The following C21orf58 variants were observed in gnomAD, a reference collection of about 807,000 sequenced individuals.
C21orf58 encodes the protein uncharacterized protein C21orf58.
C21orf58 carries 34 observed loss-of-function variants against 35.8 expected under a neutral mutation model. That is an observed-to-expected ratio of 0.95 (90% CI 0.72 to 1.26). C21orf58 has a LOEUF of 1.26. Among genes scored for constraint, C21orf58 ranks in the 50% most tolerant of loss-of-function variants. The pLI is 0.00. For synonymous variants in C21orf58, 191 were observed against 175.8 expected (o/e 1.09, Z -0.68); for missense variants, 440 against 414.3 (o/e 1.06, Z -0.54).
At position 46,318,016 on chromosome 21, in the gene C21orf58, C is replaced by T. The variant is rs527595332; in HGVS notation, c.305G>A (p.Gly102Glu). ...GCATCCCGGGCTCTGCCTCACCTGTCCCAAGAGCTTCAGCGTCAGTCGGGT... is the reference window on the plus strand; with the variant it reads ...GCATCCCGGGCTCTGCCTCACCTGTTCCAAGAGCTTCAGCGTCAGTCGGGT... ...QVTRLTLKLL[G>E]QKLEQERQNV... The change falls in exon 2 of 8, where the codon GGA (glycine) becomes GAA (glutamate). Residue 102 changes from glycine to glutamate, a missense_variant. Physicochemically the swap from Gly to Glu is moderately conservative, Grantham distance 98. Coordinates refer to ENST00000291691, the MANE Select transcript of C21orf58 (RefSeq NM_058180.5). 1.9e-6 allele frequency: 3 copies of T among 1,613,350 alleles called. No homozygotes were observed. The highest frequency in any genetic ancestry group is 2.5e-6 in the Non-Finnish European group (3 of 1,179,972).
intron 1 of C21orf58, among the ~76,000 whole-genome samples, chr21:46,319,691 G>C (rs1466294178): frequency 6.6e-6 from 1 of 151,792 alleles, no homozygotes; most frequent in Non-Finnish European, 1.5e-5. Context: ...GAGGTCAGGA[G>C]GTCGAGACAA....
chr21:46,311,762 C>CCCATTCATCCACCCACCCATCCAT (rs2082713566), intron 5 of C21orf58, 195 bp from the exon 6 acceptor site: 1 of 393,158 alleles, frequency 2.5e-6, no homozygotes. Context: ...CATCCATCCA[C>CCCATTCATCCACCCACCCATCCAT]CCATCCATCC....
At chr21:46,319,580 C>G (rs937999866) in intron 1 of C21orf58, among the ~76,000 whole-genome samples, 3 of 152,132 alleles carry the variant, frequency 2.0e-5, no homozygotes, top group African/African-American at 7.2e-5. Context: ...CGGCACAACA[C>G]AACAAGACCC....
intron 3 of C21orf58, 131 bp downstream of exon 3, chr21:46,317,077 A>G: frequency 1.4e-6 from 1 of 718,912 alleles, no homozygotes; most frequent in Non-Finnish European, 2.3e-6. Context: ...GTTGAGGACA[A>G]TCTCGCCGGT....
chr21:46,318,409 G>A, intron 1 of C21orf58, 189 bp from the exon 2 acceptor site: 1 of 1,430,800 alleles, frequency 7.0e-7, no homozygotes, highest in South Asian at 1.5e-5. Flanking sequence ...GTGGCCAGCT[G>A]GGCTTCATGG....
At chr21:46,316,033 C>T (rs2082965226) in intron 3 of C21orf58, among the ~76,000 whole-genome samples, 1 of 152,104 alleles carries the variant, frequency 6.6e-6, no homozygotes, top group Non-Finnish European at 1.5e-5. Flanking sequence ...TGCCTGTCAT[C>T]TCAACAGTGG....
Position 46,322,782 on chromosome 21 carries a change from G to C in C21orf58, c.-44C>G. 7.5e-7 allele frequency: 1 copy of C among 1,329,880 alleles called. No individual in the cohort carries two copies. The highest frequency in any genetic ancestry group is 1.0e-6 in the Non-Finnish European group (1 of 1,004,768). 82.4% of individuals were successfully genotyped at this position (1,329,880 alleles called of 1,614,324 possible). On this transcript the variant is annotated 5_prime_UTR_variant, in exon 1 of 8. Coordinates refer to ENST00000291691, the MANE Select transcript of C21orf58 (RefSeq NM_058180.5). ...TCGCAGCGAGACTGTCTCAAAAAAA[G>C]AAAAAAAATTCTGAGCGAGATTCCA...
At chr21:46,301,117 C>T (rs372762115), downstream of C21orf58, 23 of 988,246 alleles carry the variant, frequency 2.3e-5, no homozygotes, top group Middle Eastern at 5.2e-4. Context: ...AAAGGGATCA[C>T]GTCATACACA....
At chr21:46,310,497 T>A (rs80217673) in intron 6 of C21orf58, among the ~76,000 whole-genome samples, 17,035 of 127,118 alleles carry the variant, frequency 0.13, 1,260 homozygotes, top group African/African-American at 0.27. Context: ...AAAATAAAAA[T>A]AAAAAAAAAA....
Position 46,318,180 on chromosome 21 carries a change from G to A in C21orf58, c.141C>T (p.Thr47=), listed in dbSNP as rs148426190. ...ACTGCTCAGCAGGAGCCCAAGCACC[G>A]GTGTTGCCTGCAGGGCGGGCCTTAC... ...PGGKARPAGN[T]GAWAPAEQFF... is the part of the protein sequence containing the mutation. Residue 47 remains threonine, a synonymous_variant, in exon 2 of 8, where the codon ACC becomes ACT. Coordinates refer to ENST00000291691, the MANE Select transcript of C21orf58 (RefSeq NM_058180.5). 1.3e-4 allele frequency: 217 copies of A among 1,612,910 alleles called. No individual in the cohort carries two copies. The Middle Eastern group carries it at 2.7e-3, about 20-fold the overall frequency.
Position 46,302,471 on chromosome 21 carries a change from G to A in C21orf58, c.813+14C>T. On this transcript the variant is annotated intron_variant, in intron 7 of 7. Transcript: ENST00000291691. ...GTTTCCTTGGCCTAGGGTTCTGCTG[G>A]GGGCTAAGCCTACCTGCAGGGCTGG... The A allele has an allele frequency of 1.3e-6, 2 of 1,592,246 alleles. No homozygotes were observed. Among genetic ancestry groups the A allele is most frequent in the Non-Finnish European group, 1.7e-6 (2 of 1,164,136 alleles).
At position 46,318,194 on chromosome 21, in the gene C21orf58, G is replaced by A; in HGVS notation, c.127C>T (p.Pro43Ser). ...CGWSPGGKAR[P>S]AGNTGAWAPA... Reference sequence around the variant, plus strand: ...GCCCAAGCACCGGTGTTGCCTGCAGGGCGGGCCTTACCTCCTGGAGACCAG... The same window carrying A: ...GCCCAAGCACCGGTGTTGCCTGCAGAGCGGGCCTTACCTCCTGGAGACCAG... The change falls in exon 2 of 8, where the codon CCT becomes TCT. Residue 43 changes from proline to serine, a missense_variant. Coordinates refer to ENST00000291691, the MANE Select transcript of C21orf58 (RefSeq NM_058180.5). 1 of 1,612,750 alleles carries A rather than the reference G, an allele frequency of 6.2e-7. No homozygotes were observed. The highest frequency in any genetic ancestry group is 8.5e-7 in the Non-Finnish European group (1 of 1,180,006).
At position 46,318,064 on chromosome 21, in the gene C21orf58, T is replaced by C. The variant is rs373198167; in HGVS notation, c.257A>G (p.Asp86Gly). 1.9e-5 allele frequency: 30 copies of C among 1,613,298 alleles called. No homozygotes were observed. The African/African-American group carries it at 4.0e-4, about 22-fold the overall frequency. The change falls in exon 2 of 8, where the codon GAC becomes GGC. Residue 86 changes from aspartate (D) to glycine (G), a missense_variant. Coordinates refer to ENST00000291691, the MANE Select transcript of C21orf58 (RefSeq NM_058180.5). ...QSSPAAPTML[D>G]SSAAEQVTRL... Reference sequence around the variant, plus strand: ...GGTCACTTGCTCTGCTGCTGATGAGTCCAGCATGGTGGGAGCTGCAGGAGA... The same window carrying C: ...GGTCACTTGCTCTGCTGCTGATGAGCCCAGCATGGTGGGAGCTGCAGGAGA...
chr21:46,303,708 AATATATATATATATATATAT>A, intron 6 of C21orf58, among the ~76,000 whole-genome samples: 1 of 37,276 alleles, frequency 2.7e-5, no homozygotes, highest in African/African-American at 1.0e-4. Context: ...ACACACACAA[AATATATATATATATATATAT>A]ATATATATAT....
At chr21:46,317,443 C>T (rs866470162) in intron 2 of C21orf58, 175 bp from the exon 3 acceptor site, 1 of 1,072,616 alleles carries the variant, frequency 9.3e-7, no homozygotes, top group Middle Eastern at 2.6e-4. Context: ...TGAGCTGCCT[C>T]TGTAAGCCTG....
rs1198255432 is a variant in C21orf58, at chr21:46,314,754, G to A, written c.571C>T (p.Pro191Ser). The change falls in exon 5 of 8, where the codon CCG becomes TCG. Residue 191 changes from proline to serine, a missense_variant. Coordinates refer to ENST00000291691, the MANE Select transcript of C21orf58 (RefSeq NM_058180.5). ...ATCCTTGGCGGGTCTGGGGCCAGCGGGGATGGGGAGGCAGTGGGTAGGATG... is the reference window on the plus strand; with the variant it reads ...ATCCTTGGCGGGTCTGGGGCCAGCGAGGATGGGGAGGCAGTGGGTAGGATG... ...TGILPTASPS[P>S]LAPDPPRIIL... 6.6e-7 allele frequency: 1 copy of A among 1,506,202 alleles called. No homozygotes were observed. The highest frequency in any genetic ancestry group is 2.5e-5 in the East Asian group (1 of 40,340). The allele number at this position is 1,506,202 out of a possible 1,614,324, so 93.3% of individuals were successfully genotyped here.
intron 6 of C21orf58, among the ~76,000 whole-genome samples, chr21:46,303,898 C>T (rs916966466): frequency 8.8e-5 from 13 of 148,150 alleles, no homozygotes; most frequent in African/African-American, 3.2e-4. Flanking sequence ...ACTACAGGTG[C>T]CCGCCACTGC....
At chr21:46,311,744 CA>C in intron 5 of C21orf58, 177 bp from the exon 6 acceptor site, 1 of 443,852 alleles carries the variant, frequency 2.3e-6, no homozygotes, top group Non-Finnish European at 4.1e-6. Flanking sequence ...ACCAACCATC[CA>C]CCCACTCATC....
Position 46,323,096 on chromosome 21 carries a change from T to C in C21orf58, c.-358A>G, listed in dbSNP as rs1375393816. 2 of 162,422 alleles carry C rather than the reference T, an allele frequency of 1.2e-5. No homozygotes were observed. Among genetic ancestry groups the C allele is most frequent in the African/African-American group, 2.4e-5 (1 of 41,910 alleles). 10.1% of individuals were successfully genotyped at this position (162,422 alleles called of 1,614,324 possible). On this transcript the variant is annotated 5_prime_UTR_variant, in exon 1 of 8. Transcript: ENST00000291691. ...GAGGTCACCGGCCCTGTCTTGGTTT[T>C]TTGCCACTTCGCTCCAGTTAGTTTC... is the stretch of plus-strand genomic sequence containing the variant.
Sources: allele counts gnomAD v4.1 joint callset (sites outside exome capture counted in the v4.1 genomes callset), GRCh38; gene constraint gnomAD v4.1.1; transcripts MANE v1.5; gene names NCBI Gene and HGNC (gene_info 2026-07-23, HGNC 2026-07-21).